STK24: variants seen among roughly 807,000 people sequenced by gnomAD.
STK24 encodes the protein serine/threonine kinase 24.
A neutral mutation model predicts 55.6 loss-of-function variants in STK24; 21 were observed. That is an observed-to-expected ratio of 0.38 (90% CI 0.27 to 0.54). STK24 has a LOEUF of 0.54. STK24 is among the 20% of genes least tolerant of loss of function. STK24 has a pLI of 0.79. For synonymous variants in STK24, 200 were observed against 215.2 expected (o/e 0.93, Z 0.62); for missense variants, 383 against 538.4 (o/e 0.71, Z 2.86).
At chr13:98,492,615 C>T (rs1449933758) in intron 2 of STK24, among the ~76,000 whole-genome samples, 5 of 152,212 alleles carry the variant, frequency 3.3e-5, no homozygotes, top group Non-Finnish European at 1.5e-5. Context: ...TTCTCCTTCA[C>T]ACAGGGTGGC....
intron 2 of STK24, among the ~76,000 whole-genome samples, chr13:98,494,724 C>A (rs1298286922): frequency 6.6e-6 from 1 of 152,136 alleles, no homozygotes; most frequent in Non-Finnish European, 1.5e-5. Flanking sequence ...CCAGAAGGAA[C>A]TGTCAGTTAT....
chr13:98,569,413 C>CAAAAAAAAAAAACAAAAAAAA (rs1897676052), intron 1 of STK24, among the ~76,000 whole-genome samples: 1 of 127,144 alleles, frequency 7.9e-6, no homozygotes, highest in Non-Finnish European at 1.7e-5. Flanking sequence ...ACAGCAGAGA[C>CAAAAAAAAAAAACAAAAAAAA]AAAAAAAAAA....
chr13:98,463,233 G>A (rs1893788511), intron 7 of STK24, among the ~76,000 whole-genome samples: 1 of 152,066 alleles, frequency 6.6e-6, no homozygotes, highest in Non-Finnish European at 1.5e-5. Flanking sequence ...CTTAAGCCAA[G>A]GGAATTCCTA....
intron 5 of STK24, among the ~76,000 whole-genome samples, chr13:98,474,401 T>A (rs1894283385): frequency 6.6e-6 from 1 of 152,140 alleles, no homozygotes; most frequent in South Asian, 2.1e-4. Flanking sequence ...AGCCCCTTTC[T>A]CTACAGGCCC....
At chr13:98,470,982 CGTAT>C (rs1424652124) in intron 5 of STK24, among the ~76,000 whole-genome samples, 4 of 152,186 alleles carry the variant, frequency 2.6e-5, no homozygotes, top group Non-Finnish European at 5.9e-5. Context: ...CATCTAGAGG[CGTAT>C]GTGATGTTTA....
intron 5 of STK24, among the ~76,000 whole-genome samples, chr13:98,468,801 C>G (rs1230294492): frequency 2.0e-5 from 3 of 152,192 alleles, no homozygotes; most frequent in Non-Finnish European, 4.4e-5. Context: ...AGCTGGGATC[C>G]CCCTCACCTC....
At chr13:98,557,153 C>T (rs1028605003) in intron 1 of STK24, among the ~76,000 whole-genome samples, 14 of 152,286 alleles carry the variant, frequency 9.2e-5, no homozygotes, top group African/African-American at 2.9e-4. Flanking sequence ...ATCTGAAACA[C>T]AGGCTACTCC....
In STK24 at chr13:98,449,426, T is replaced by C; in HGVS notation, c.*3747A>G. ...GGCTTTGGCCCCTACTCGGGAAACG[T>C]CTGCCTGTTCTCGATGGTGATGGGG... On this transcript the variant is annotated 3_prime_UTR_variant, in exon 11 of 11. Transcript: ENST00000539966. 6.6e-6 allele frequency: 1 copy of C among 152,306 alleles called. No individual in the cohort carries two copies. The highest frequency in any genetic ancestry group is 1.5e-5 in the Non-Finnish European group (1 of 68,034). The allele number at this position is 152,306 out of a possible 1,614,324, so 9.4% of individuals were successfully genotyped here. A position where few individuals can be genotyped will look rare whatever the true frequency, so the allele number is the denominator to read the frequency against.
chr13:98,536,414 G>T (rs1342662988), intron 1 of STK24, among the ~76,000 whole-genome samples: 2 of 151,792 alleles, frequency 1.3e-5, no homozygotes, highest in Non-Finnish European at 2.9e-5. Context: ...ACCCAGACAG[G>T]AGTGCAGTGG....
At chr13:98,491,630 C>A (rs1895039618) in intron 2 of STK24, among the ~76,000 whole-genome samples, 1 of 147,630 alleles carries the variant, frequency 6.8e-6, no homozygotes, top group African/African-American at 2.5e-5. Context: ...AAAAGCTATA[C>A]AATCCAGCCA....
intron 2 of STK24, among the ~76,000 whole-genome samples, chr13:98,485,769 A>G (rs1038490696): frequency 1.3e-5 from 2 of 152,222 alleles, no homozygotes; most frequent in African/African-American, 2.4e-5. Flanking sequence ...CATTTTGCGA[A>G]GGCGGTTTCA....
intron 1 of STK24, among the ~76,000 whole-genome samples, chr13:98,546,923 GTTTT>G (rs1371380417): frequency 7.3e-5 from 11 of 151,344 alleles, no homozygotes; most frequent in South Asian, 2.1e-4. Context: ...TTGTTTGTTT[GTTTT>G]TGAGATGGAG....
At chr13:98,479,457 A>T (rs888683503) in intron 3 of STK24, among the ~76,000 whole-genome samples, 5 of 152,168 alleles carry the variant, frequency 3.3e-5, no homozygotes, top group African/African-American at 1.2e-4. Context: ...GCACCTGGAG[A>T]GCGGAAAAGG....
intron 2 of STK24, among the ~76,000 whole-genome samples, chr13:98,512,283 T>G (rs1443516873): frequency 6.6e-6 from 1 of 152,048 alleles, no homozygotes. Flanking sequence ...GACACACAGA[T>G]TAAAACAGAA....
Position 98,448,410 on chromosome 13 carries a change from C to A in STK24, c.*4763G>T. The A allele has an allele frequency of 9.6e-7, 1 of 1,043,438 alleles. No individual in the cohort carries two copies. The highest frequency in any genetic ancestry group is 1.3e-5 in the South Asian group (1 of 75,566). The allele number at this position is 1,043,438 out of a possible 1,614,324, so 64.6% of individuals were successfully genotyped here. A position where few individuals can be genotyped will look rare whatever the true frequency, so the allele number is the denominator to read the frequency against. On this transcript the variant is annotated 3_prime_UTR_variant, in exon 11 of 11. Transcript: ENST00000539966. ...GAAGCCTGGTAAAATTAACACCTGTCTGAAAATCAAAAACATGGCTTCCCA... is the reference window on the plus strand; with the variant it reads ...GAAGCCTGGTAAAATTAACACCTGTATGAAAATCAAAAACATGGCTTCCCA...
At chr13:98,455,126 ATTG>A (rs1002930850) in intron 10 of STK24, 1 of 152,236 alleles carries the variant, frequency 6.6e-6, no homozygotes, top group African/African-American at 2.4e-5. Context: ...CTTATTGATG[ATTG>A]TTGTTATTAA....
Position 98,466,474 on chromosome 13 carries a change from A to G in STK24, c.685T>C (p.Phe229Leu). 6.2e-7 allele frequency: 1 copy of G among 1,614,138 alleles called. No homozygotes were observed. Among genetic ancestry groups the G allele is most frequent in the Non-Finnish European group, 8.5e-7 (1 of 1,180,036 alleles). ...HSELHPMKVL[F>L]LIPKNNPPTL... ...GGTGGGTTGTTCTTTGGAATGAGGA[A>G]TAAAACTTTCATGGGGTGCAGCTCG... is the stretch of plus-strand genomic sequence containing the variant. Residue 229 changes from phenylalanine (F) to leucine (L), a missense_variant, in exon 6 of 11, where the codon TTC becomes CTC. Coordinates refer to ENST00000539966, the MANE Select transcript of STK24 (RefSeq NM_001032296.4).
chr13:98,466,207 A>C (rs1211358714), intron 6 of STK24, among the ~76,000 whole-genome samples, 169 bp downstream of exon 6: 1 of 152,240 alleles, frequency 6.6e-6, no homozygotes. Context: ...CTTAAAAATT[A>C]AAATGTATTT....
intron 2 of STK24, among the ~76,000 whole-genome samples, chr13:98,489,305 C>T (rs1324393259): frequency 6.6e-6 from 1 of 152,186 alleles, no homozygotes; most frequent in Non-Finnish European, 1.5e-5. Flanking sequence ...CTTGCGAACC[C>T]GGAAGAAATC....
Sources: gnomAD v4.1 joint callset for allele counts (sites outside exome capture counted in the v4.1 genomes callset) on GRCh38, gnomAD v4.1.1 for gene constraint, MANE v1.5 for transcripts, NCBI Gene and HGNC (gene_info 2026-07-23, HGNC 2026-07-21) for gene names.